The following CDH12 variants were observed in gnomAD, a reference collection of about 807,000 sequenced individuals.
CDH12 encodes the protein cadherin 12.
In CDH12, 41 loss-of-function variants were observed where a neutral mutation model predicts 74.1. The ratio of observed to expected loss-of-function variants is 0.55; its 90% CI spans 0.43 to 0.72. The LOEUF (loss-of-function observed/expected upper bound fraction) is 0.72. Among genes scored for constraint, CDH12 ranks in the 30% least tolerant of loss-of-function variants. The pLI, the probability that CDH12 is intolerant of heterozygous loss-of-function variation, is 0.00. For missense variants in CDH12, 945 were observed against 977.2 expected, an observed-to-expected ratio of 0.97 and a Z score of 0.44; for synonymous variants, 399 against 355.0, an observed-to-expected ratio of 1.12 and a Z score of -1.39.
intron 8 of CDH12, among the ~76,000 whole-genome samples, chr5:21,835,792 C>A (rs1010407093): frequency 2.0e-5 from 3 of 151,696 alleles, no homozygotes; most frequent in Non-Finnish European, 2.9e-5. Flanking sequence ...CTAAGCCTGG[C>A]TGCCAAAAAC....
chr5:22,480,444 C>G (rs977087098), intron 2 of CDH12, among the ~76,000 whole-genome samples: 4 of 151,730 alleles, frequency 2.6e-5, no homozygotes, highest in African/African-American at 9.7e-5. Flanking sequence ...ATGAGCCAGA[C>G]ATGGTGGTGC....
chr5:22,617,550 G>A (rs2126835134), intron 1 of CDH12, among the ~76,000 whole-genome samples: 1 of 152,196 alleles, frequency 6.6e-6, no homozygotes, highest in South Asian at 2.1e-4. Context: ...TTACAAAAAT[G>A]TCCATGCAAA....
At chr5:22,395,351 C>T (rs574657861) in intron 3 of CDH12, among the ~76,000 whole-genome samples, 1 of 152,210 alleles carries the variant, frequency 6.6e-6, no homozygotes, top group South Asian at 2.1e-4. Context: ...TCCCATTCAG[C>T]GTCTGGAGGC....
chr5:22,363,786 G>C (rs561339293), intron 3 of CDH12, among the ~76,000 whole-genome samples: 2 of 152,196 alleles, frequency 1.3e-5, no homozygotes, highest in Non-Finnish European at 2.9e-5. Flanking sequence ...AATGCATTGA[G>C]TAGAAATGGG....
chr5:22,184,392 C>G (rs530152685), intron 4 of CDH12, among the ~76,000 whole-genome samples: 1 of 152,068 alleles, frequency 6.6e-6, no homozygotes, highest in African/African-American at 2.4e-5. Context: ...AACATTTTTT[C>G]CCCTGAGGCA....
intron 2 of CDH12, among the ~76,000 whole-genome samples, chr5:22,405,669 G>A (rs1202922710): frequency 1.3e-5 from 2 of 152,148 alleles, no homozygotes; most frequent in Non-Finnish European, 2.9e-5. Context: ...GTGACTTAAT[G>A]GTGACAGAAT....
At position 22,695,995 on chromosome 5, in the gene CDH12, T is replaced by C. The variant is rs1742336696; in HGVS notation, c.-523+157063A>G. Among the ~76,000 whole-genome samples the C allele has an allele frequency of 1.3e-5, 2 of 152,162 alleles. 1 individual carries two copies. Among genetic ancestry groups the C allele is most frequent in the South Asian group, 4.1e-4 (2 of 4,830 alleles). On this transcript the variant is annotated intron_variant, in intron 1 of 14. Coordinates refer to ENST00000382254, the MANE Select transcript of CDH12 (RefSeq NM_004061.5). ...CAACACTGGTTCTTTTCAGTTGAGT[T>C]TTAAATTAGATAAACCTGTCTGTAA... is the stretch of plus-strand genomic sequence containing the variant.
intron 1 of CDH12, among the ~76,000 whole-genome samples, chr5:22,732,467 TATATACAC>T (rs1195718693): frequency 9.3e-5 from 13 of 139,836 alleles, no homozygotes; most frequent in Middle Eastern, 3.7e-3. Flanking sequence ...TATATATATA[TATATACAC>T]ACACACACAC....
At chr5:22,411,911 C>T (rs1743185830) in intron 2 of CDH12, among the ~76,000 whole-genome samples, 1 of 152,046 alleles carries the variant, frequency 6.6e-6, no homozygotes, top group East Asian at 1.9e-4. Flanking sequence ...AGATTTAATT[C>T]TGTTTTCTCA....
chr5:22,791,999 A>G (rs947353961), intron 1 of CDH12, among the ~76,000 whole-genome samples: 1 of 152,048 alleles, frequency 6.6e-6, no homozygotes, highest in Non-Finnish European at 1.5e-5. Context: ...GTCAGAGTTA[A>G]CTGGAGACAT....
At chr5:21,926,986 A>C (rs1328363354) in intron 6 of CDH12, among the ~76,000 whole-genome samples, 7 of 152,208 alleles carry the variant, frequency 4.6e-5, no homozygotes, top group Non-Finnish European at 1.0e-4. Flanking sequence ...CCAGCAGTTG[A>C]CTAAATGAAT....
intron 1 of CDH12, among the ~76,000 whole-genome samples, chr5:22,739,123 A>G (rs2127014905): frequency 1.3e-5 from 2 of 152,132 alleles, no homozygotes; most frequent in African/African-American, 4.8e-5. Flanking sequence ...AGAAAATTCA[A>G]GGTAGTTATC....
chr5:21,996,161 T>C (rs529519682), intron 5 of CDH12, among the ~76,000 whole-genome samples: 2 of 149,854 alleles, frequency 1.3e-5, no homozygotes, highest in Non-Finnish European at 3.0e-5. Context: ...GTAGACCATG[T>C]CTTTCTCGTA....
At chr5:22,435,017 A>G (rs186527723) in intron 2 of CDH12, among the ~76,000 whole-genome samples, 10 of 152,246 alleles carry the variant, frequency 6.6e-5, no homozygotes, top group Non-Finnish European at 1.3e-4. Flanking sequence ...GATGGTTAAT[A>G]GTGAGTGTTA....
intron 1 of CDH12, among the ~76,000 whole-genome samples, chr5:22,689,091 T>C (rs1411020511): frequency 6.6e-6 from 1 of 152,144 alleles, no homozygotes; most frequent in African/African-American, 2.4e-5. Flanking sequence ...ATCTCTGTAA[T>C]TATGTTAACA....
chr5:22,564,781 T>A (rs1739212774), intron 1 of CDH12, among the ~76,000 whole-genome samples: 1 of 152,218 alleles, frequency 6.6e-6, no homozygotes, highest in Non-Finnish European at 1.5e-5. Context: ...CATTCTGATG[T>A]AAAATTTATT....
chr5:22,504,773 G>A (rs764049876), intron 2 of CDH12, among the ~76,000 whole-genome samples: 9 of 152,088 alleles, frequency 5.9e-5, no homozygotes, highest in South Asian at 2.1e-4. Context: ...ATCAATATTC[G>A]TAAAGAAGAG....
intron 1 of CDH12, among the ~76,000 whole-genome samples, chr5:22,840,277 T>A (rs188424103): frequency 6.6e-6 from 1 of 152,080 alleles, no homozygotes; most frequent in Non-Finnish European, 1.5e-5. Context: ...CGAGCCACCA[T>A]ACCCGGCTAA....
intron 8 of CDH12, 142 bp downstream of exon 8, chr5:21,842,019 G>T (rs555930117): frequency 3.2e-6 from 2 of 626,330 alleles, no homozygotes; most frequent in Middle Eastern, 4.1e-4. Context: ...AAAAAAAAAA[G>T]ATTTGTAATT....
Sources: gnomAD v4.1 joint callset for allele counts (sites outside exome capture counted in the v4.1 genomes callset) on GRCh38, gnomAD v4.1.1 for gene constraint, MANE v1.5 for transcripts, NCBI Gene and HGNC (gene_info 2026-07-23, HGNC 2026-07-21) for gene names.